ARID1A: variants seen among roughly 807,000 people sequenced by gnomAD.
ARID1A encodes AT-rich interaction domain 1A, also known as AT-rich interactive domain-containing protein 1A.
ARID1A carries 20 observed loss-of-function variants against 212.6 expected under a neutral mutation model. That is an observed-to-expected ratio of 0.09 (90% CI 0.07 to 0.14). The LOEUF (loss-of-function observed/expected upper bound fraction) is 0.14, where lower values mean the gene tolerates loss of function less well. Among genes scored for constraint, ARID1A ranks in the 10% least tolerant of loss-of-function variants. The probability of loss-of-function intolerance (pLI) is 1.00; values close to 1 mark genes in which losing one functional copy is unlikely to be tolerated. For missense variants in ARID1A, 2,587 were observed against 3,059.0 expected (o/e 0.85, Z 3.64); for synonymous variants, 1,376 against 1,222.1 (o/e 1.13, Z -2.63).
intron 1 of ARID1A, among the ~76,000 whole-genome samples, chr1:26,703,122 G>A (rs754025751): frequency 1.3e-5 from 2 of 152,110 alleles, no homozygotes; most frequent in Non-Finnish European, 2.9e-5. Flanking sequence ...CTGGACTTCT[G>A]TGTATCACTT....
chr1:26,775,879 CAAT>C (rs2081130495), intron 19 of ARID1A, 172 bp downstream of exon 19: 2 of 936,586 alleles, frequency 2.1e-6, no homozygotes, highest in African/African-American at 1.6e-5. Flanking sequence ...ATTTTGACAG[CAAT>C]AATAATTTGT....
intron 4 of ARID1A, among the ~76,000 whole-genome samples, chr1:26,747,276 A>C (rs1315672186): frequency 6.6e-6 from 1 of 152,158 alleles, no homozygotes; most frequent in Non-Finnish European, 1.5e-5. Context: ...ATTGGTTGGT[A>C]TTGTGACATA....
At chr1:26,756,564 T>TA (rs59135556) in intron 4 of ARID1A, among the ~76,000 whole-genome samples, 26,467 of 129,638 alleles carry the variant, frequency 0.2, 4,278 homozygotes, top group East Asian at 0.86. Context: ...CCTGTCTCTT[T>TA]AAAAAAAAAA....
At chr1:26,708,911 G>GGTCTCGATCTCCT (rs1379872691) in intron 1 of ARID1A, among the ~76,000 whole-genome samples, 1 of 151,688 alleles carries the variant, frequency 6.6e-6, no homozygotes, top group African/African-American at 2.4e-5. Flanking sequence ...TAGCCAGGAT[G>GGTCTCGATCTCCT]GTCTCGGTCT....
At chr1:26,764,120 C>T (rs1396546045) in intron 8 of ARID1A, 1 of 152,132 alleles carries the variant, frequency 6.6e-6, no homozygotes, top group East Asian at 1.9e-4. Context: ...CAGGCACCCG[C>T]CACCATGCCC....
At chr1:26,755,001 C>T (rs2080916032) in intron 4 of ARID1A, among the ~76,000 whole-genome samples, 1 of 152,106 alleles carries the variant, frequency 6.6e-6, no homozygotes, top group Admixed American at 6.5e-5. Context: ...CGCAGCTACT[C>T]TGGAGGTTGA....
intron 19 of ARID1A, 79 bp downstream of exon 19, chr1:26,775,786 C>A (rs1417701597): frequency 6.3e-7 from 1 of 1,595,324 alleles, no homozygotes; most frequent in Non-Finnish European, 8.6e-7. Flanking sequence ...TCATCTTTAG[C>A]CACCTTGGTC....
At chr1:26,777,841 G>A (rs543824699) in intron 19 of ARID1A, among the ~76,000 whole-genome samples, 3 of 152,290 alleles carry the variant, frequency 2.0e-5, no homozygotes, top group African/African-American at 7.2e-5. Flanking sequence ...GCCAAGGTGG[G>A]TGGATCACTT....
intron 4 of ARID1A, among the ~76,000 whole-genome samples, chr1:26,756,632 C>T (rs866976967): frequency 2.0e-5 from 3 of 150,834 alleles, no homozygotes; most frequent in Non-Finnish European, 3.0e-5. Context: ...AATTGAACAG[C>T]GGTTTCTCTA....
chr1:26,705,775 A>G (rs952307114), intron 1 of ARID1A, among the ~76,000 whole-genome samples: 3 of 152,182 alleles, frequency 2.0e-5, no homozygotes, highest in Non-Finnish European at 4.4e-5. Flanking sequence ...CTGAATGTGA[A>G]GGGACATCTG....
intron 1 of ARID1A, among the ~76,000 whole-genome samples, chr1:26,699,300 C>T (rs920302648): frequency 8.5e-5 from 13 of 152,098 alleles, no homozygotes; most frequent in African/African-American, 2.4e-4. Context: ...GCTTTTCTTC[C>T]ATCTTCATCA....
chr1:26,716,718 C>A (rs2080506723), intron 1 of ARID1A, among the ~76,000 whole-genome samples: 1 of 152,106 alleles, frequency 6.6e-6, no homozygotes, highest in African/African-American at 2.4e-5. Flanking sequence ...CACTGCCTCC[C>A]AGGTTCAAAC....
At chr1:26,764,033 A>G (rs1456414082) in intron 8 of ARID1A, among the ~76,000 whole-genome samples, 1 of 152,034 alleles carries the variant, frequency 6.6e-6, no homozygotes, top group Non-Finnish European at 1.5e-5. Context: ...GTAATGGCAC[A>G]CTTTCAGCTC....
At chr1:26,763,326 T>C in intron 8 of ARID1A, 41 bp downstream of exon 8, 1 of 1,535,480 alleles carries the variant, frequency 6.5e-7, no homozygotes, top group Non-Finnish European at 8.8e-7. Context: ...TGCAAGAAAA[T>C]GTATTATAGA....
intron 1 of ARID1A, among the ~76,000 whole-genome samples, chr1:26,707,328 C>T (rs2080402863): frequency 6.6e-6 from 1 of 150,802 alleles, no homozygotes; most frequent in African/African-American, 2.4e-5. Context: ...CCTGCCACAG[C>T]CTCCCGAGTA....
Position 26,696,124 on chromosome 1 carries a change from C to T in ARID1A, c.-280C>T, listed in dbSNP as rs965350619. On this transcript the variant is annotated 5_prime_UTR_variant, in exon 1 of 20. Coordinates refer to ENST00000324856, the MANE Select transcript of ARID1A (RefSeq NM_006015.6). ...AGGCAAGGGCTTGGGGGGAATGAGC[C>T]GGGAGAGCCGGGTCCCGAGCCTACA... 2.2e-6 allele frequency: 1 copy of T among 463,006 alleles called. No homozygotes were observed. The highest frequency in any genetic ancestry group is 3.1e-6 in the Non-Finnish European group (1 of 324,740). The allele number at this position is 463,006 out of a possible 1,614,324, so 28.7% of individuals were successfully genotyped here. A position where few individuals can be genotyped will look rare whatever the true frequency, so the allele number is the denominator to read the frequency against.
chr1:26,713,478 C>T (rs1291986536), intron 1 of ARID1A, among the ~76,000 whole-genome samples: 1 of 151,916 alleles, frequency 6.6e-6, no homozygotes, highest in African/African-American at 2.4e-5. Flanking sequence ...CTTGCCTCAG[C>T]CTCCCGAGTA....
At position 26,697,217 on chromosome 1, in the gene ARID1A, G is replaced by C. The variant is rs1570540325; in HGVS notation, c.814G>C (p.Gly272Arg). Residue 272 changes from glycine to arginine, a missense_variant, in exon 1 of 20, where the codon GGG becomes CGG. Transcript: ENST00000324856. Reference protein sequence around the residue: ...SSSSFAQQRFGAMGGGGPSAA... With the variant: ...SSSSFAQQRFRAMGGGGPSAA... Reference sequence around the variant, plus strand: ...TTCGTCCTTCGCTCAGCAGCGCTTCGGGGCCATGGGGGGAGGCGGCCCCTC... The same window carrying C: ...TTCGTCCTTCGCTCAGCAGCGCTTCCGGGCCATGGGGGGAGGCGGCCCCTC... 5.1e-6 allele frequency: 7 copies of C among 1,382,726 alleles called. No homozygotes were observed. The highest frequency in any genetic ancestry group is 5.6e-6 in the Non-Finnish European group (6 of 1,074,262). The allele number at this position is 1,382,726 out of a possible 1,614,324, so 85.7% of individuals were successfully genotyped here.
intron 1 of ARID1A, among the ~76,000 whole-genome samples, chr1:26,725,070 C>G (rs2124779312): frequency 6.6e-6 from 1 of 152,110 alleles, no homozygotes; most frequent in Admixed American, 6.5e-5. Context: ...ATTTTCCTCT[C>G]AATTATGTGT....
Sources: gnomAD v4.1 joint callset for allele counts (sites outside exome capture counted in the v4.1 genomes callset) on GRCh38, gnomAD v4.1.1 for gene constraint, MANE v1.5 for transcripts, NCBI Gene and HGNC (gene_info 2026-07-23, HGNC 2026-07-21) for gene names.